SUZ12: variants seen among roughly 807,000 people sequenced by gnomAD.
SUZ12 encodes polycomb protein SUZ12.
SUZ12 carries 17 observed loss-of-function variants against 87.3 expected under a neutral mutation model. The observed-to-expected ratio is 0.19, with a 90% CI of 0.13 to 0.29. The LOEUF (loss-of-function observed/expected upper bound fraction) is 0.29, where lower values mean the gene tolerates loss of function less well. SUZ12 is among the 10% of genes least tolerant of loss of function. The pLI is 1.00. For synonymous variants in SUZ12, 253 were observed against 312.4 expected, an observed-to-expected ratio of 0.81 and a Z score of 2.01; for missense variants, 526 against 912.2, an observed-to-expected ratio of 0.58 and a Z score of 5.45.
chr17:31,956,066 C>A (rs940276280), intron 4 of SUZ12, among the ~76,000 whole-genome samples: 1 of 152,106 alleles, frequency 6.6e-6, no homozygotes, highest in Non-Finnish European at 1.5e-5. Flanking sequence ...GCGCCTGCCA[C>A]CACGCCCGGC....
At chr17:31,988,267 T>C in intron 9 of SUZ12, 53 bp from the exon 10 acceptor site, 1 of 1,454,336 alleles carries the variant, frequency 6.9e-7, no homozygotes, top group Non-Finnish European at 9.2e-7. Flanking sequence ...TTCTACAATT[T>C]ATTTGAATTC....
intron 4 of SUZ12, among the ~76,000 whole-genome samples, chr17:31,955,060 T>A (rs1394597011): frequency 6.6e-6 from 1 of 152,202 alleles, no homozygotes; most frequent in Non-Finnish European, 1.5e-5. Flanking sequence ...GTTCATAGCT[T>A]ACTGCATCCT....
intron 4 of SUZ12, among the ~76,000 whole-genome samples, chr17:31,949,676 C>CTTTTTTTTTTT (rs71360790): frequency 1.6e-4 from 2 of 12,390 alleles, no homozygotes; most frequent in African/African-American, 6.9e-4. Flanking sequence ...CCCCCCCCCC[C>CTTTTTTTTTTT]TTTTTTTTTT....
rs771704089 is a variant in SUZ12 at position 31,998,743 on chromosome 17, C to T, written c.1960C>T (p.Arg654Ter). ...GQKIIKKNLC[R>*]NFMLHLVSMH... ...GAAAATAATTAAGAAGAATTTATGT[C>T]GAAACTTCATGCTTCATCTAGTCAG... The change falls in exon 16 of 16, where the codon CGA becomes TGA. Residue 654 changes from arginine (R) to a stop codon, truncating the protein, a stop_gained. Coordinates refer to ENST00000322652, the MANE Select transcript of SUZ12 (RefSeq NM_015355.4). LOFTEE classifies it high-confidence loss of function. 6.2e-7 allele frequency: 1 copy of T among 1,607,020 alleles called. No homozygotes were observed. Among genetic ancestry groups the T allele is most frequent in the Non-Finnish European group, 8.5e-7 (1 of 1,176,522 alleles).
In SUZ12 at chr17:31,975,654, C is replaced by T. The variant is rs1908696874; in HGVS notation, c.764C>T (p.Thr255Ile). The change falls in exon 7 of 16, where the codon ACT becomes ATT. Residue 255 changes from threonine (T) to isoleucine (I), a missense_variant. By Grantham distance (89) the Thr-to-Ile change is moderately conservative. Around this residue, in one of 9 missense-constraint regions of SUZ12, gnomAD observed 73 missense variants for 133.8 expected, o/e 0.55. Transcript: ENST00000322652. Reference sequence around the variant, plus strand: ...TCTTACTCGTTGCTATTTAGAGTGACTCGTCCAGGAAGAAGAGAGTTTAAT... The same window carrying T: ...TCTTACTCGTTGCTATTTAGAGTGATTCGTCCAGGAAGAAGAGAGTTTAAT... ...VKSYSLLFRV[T>I]RPGRREFNGM... 3 of 1,613,640 alleles carry T rather than the reference C, an allele frequency of 1.9e-6. No homozygotes were observed. The South Asian group carries it at 3.3e-5, about 18-fold the overall frequency.
chr17:31,941,601 G>A (rs1453562259), intron 3 of SUZ12, among the ~76,000 whole-genome samples: 1 of 150,098 alleles, frequency 6.7e-6, no homozygotes, highest in Non-Finnish European at 1.5e-5. Context: ...CCAGGCTGGA[G>A]TGCAGTGGCG....
intron 8 of SUZ12, 141 bp downstream of exon 8, chr17:31,976,755 A>C (rs1358053885): frequency 4.6e-6 from 3 of 649,874 alleles, no homozygotes; most frequent in Admixed American, 3.2e-5. Flanking sequence ...ATTTGCAAAC[A>C]CTGAATTTTT....
chr17:31,961,312 C>T (rs1037455864), intron 4 of SUZ12, among the ~76,000 whole-genome samples: 22 of 152,132 alleles, frequency 1.4e-4, no homozygotes, highest in Middle Eastern at 3.4e-3. Flanking sequence ...ACTGGGAGGC[C>T]GAGGTGGGTG....
At chr17:31,952,801 G>C (rs1907067248) in intron 4 of SUZ12, among the ~76,000 whole-genome samples, 1 of 152,142 alleles carries the variant, frequency 6.6e-6, no homozygotes, top group African/African-American at 2.4e-5. Flanking sequence ...GACCTCAAGT[G>C]ATCCGCCTTC....
At chr17:31,972,669 C>T (rs1170653222) in intron 5 of SUZ12, among the ~76,000 whole-genome samples, 1 of 151,892 alleles carries the variant, frequency 6.6e-6, no homozygotes, top group Non-Finnish European at 1.5e-5. Flanking sequence ...TTGCCTTGGC[C>T]TCCCAAAGTG....
intron 10 of SUZ12, 37 bp from the exon 11 acceptor site, chr17:31,993,205 C>T: frequency 7.2e-7 from 1 of 1,389,780 alleles, no homozygotes; most frequent in Non-Finnish European, 9.8e-7. Context: ...TTTTCAAAAG[C>T]AATGTTTTTA....
At position 31,976,365 on chromosome 17, in the gene SUZ12, C is replaced by T. The variant is rs144968563; in HGVS notation, c.824-156C>T. Among the ~76,000 whole-genome samples, 67 of 152,166 alleles carry T rather than the reference C, an allele frequency of 4.4e-4. 1 individual carries two copies. In the East Asian group the frequency reaches 0.012, roughly 27 times the overall value. ...TTAAAAAGAACATATAGTAAAAATG[C>T]AAAATTGGAAACATGTGGTCTGTAT... On this transcript the variant is annotated intron_variant, in intron 7 of 15. Transcript: ENST00000322652.
Position 31,970,299 on chromosome 17 carries a change from C to T in SUZ12, c.506-2847C>T, listed in dbSNP as rs568269008. 9.5e-4 allele frequency among the ~76,000 whole-genome samples: 144 copies of T among 152,264 alleles called. 1 individual carries two copies. The highest frequency in any genetic ancestry group is 3.4e-3 in the Middle Eastern group (1 of 294). ...AGAAACTGATCAAATGTGTTTTACA[C>T]ACACACCCCCAATAAGAATGTTTTT... On this transcript the variant is annotated intron_variant, in intron 5 of 15. Transcript: ENST00000322652.
chr17:31,982,402 C>T (rs1567832310), intron 8 of SUZ12, among the ~76,000 whole-genome samples: 1 of 152,172 alleles, frequency 6.6e-6, no homozygotes, highest in Non-Finnish European at 1.5e-5. Flanking sequence ...TGGTTCACGC[C>T]TGTAATCCCA....
chr17:31,976,449 G>A (rs1172309335), intron 7 of SUZ12, 72 bp from the exon 8 acceptor site: 3 of 1,250,130 alleles, frequency 2.4e-6, no homozygotes, highest in Non-Finnish European at 2.3e-6. Flanking sequence ...CATGTTTTAT[G>A]TTAAGGGACC....
chr17:31,981,530 G>A (rs1159637150), intron 8 of SUZ12, among the ~76,000 whole-genome samples: 3 of 152,166 alleles, frequency 2.0e-5, no homozygotes, highest in Admixed American at 6.5e-5. Context: ...GGAATAGTAC[G>A]TATCTATGTA....
At chr17:31,959,660 A>C (rs1907577761) in intron 4 of SUZ12, among the ~76,000 whole-genome samples, 1 of 152,218 alleles carries the variant, frequency 6.6e-6, no homozygotes, top group African/African-American at 2.4e-5. Context: ...TCCTGCTGCT[A>C]GCAGATTCAT....
chr17:31,980,592 G>T (rs1909047241), intron 8 of SUZ12, among the ~76,000 whole-genome samples: 1 of 151,652 alleles, frequency 6.6e-6, no homozygotes, highest in Non-Finnish European at 1.5e-5. Context: ...TGGGATTAAG[G>T]CATGCGCCAC....
At chr17:31,979,808 A>G (rs1428255060) in intron 8 of SUZ12, among the ~76,000 whole-genome samples, 1 of 152,104 alleles carries the variant, frequency 6.6e-6, no homozygotes, top group African/African-American at 2.4e-5. Context: ...GTAAATATCC[A>G]TTTTCTTCCC....
Sources: allele counts gnomAD v4.1 joint callset (sites outside exome capture counted in the v4.1 genomes callset), GRCh38; gene constraint gnomAD v4.1.1; regional missense constraint gnomAD v4.1.1; transcripts MANE v1.5; gene names NCBI Gene and HGNC (gene_info 2026-07-23, HGNC 2026-07-21).